Variants in DHODH observed in about 807,000 individuals in gnomAD.
DHODH encodes the protein dihydroorotate dehydrogenase (quinone), also known as dihydroorotate dehydrogenase (quinone), mitochondrial.
In DHODH, 30 loss-of-function variants were observed where a neutral mutation model predicts 39.7. The observed-to-expected ratio is 0.76, with a 90% CI of 0.57 to 1.02. DHODH has a LOEUF of 1.02. Among genes scored for constraint, DHODH ranks in the 50% least tolerant of loss-of-function variants. The pLI is 0.00. For synonymous variants in DHODH, 222 were observed against 213.8 expected (o/e 1.04, Z -0.34); for missense variants, 531 against 520.8 (o/e 1.02, Z -0.19).
intron 4 of DHODH, among the ~76,000 whole-genome samples, chr16:72,020,703 T>G (rs116591045): frequency 3.3e-5 from 5 of 152,122 alleles, no homozygotes; most frequent in African/African-American, 9.7e-5. Context: ...TCTTCGCAAC[T>G]GTACATCCAG....
At position 72,009,234 on chromosome 16, in the gene DHODH, T is replaced by C. The variant is rs918850265; in HGVS notation, c.21+449T>C. On this transcript the variant is annotated intron_variant, in intron 1 of 8. Coordinates refer to ENST00000219240, the MANE Select transcript of DHODH (RefSeq NM_001361.5). ...ATAGGTGTTCAGAGGCCGGGCGCGG[T>C]GGCTCACGCCTGTAATCCCAGCACT... is the stretch of plus-strand genomic sequence containing the variant. The C allele has an allele frequency of 1.6e-5, 12 of 733,188 alleles. No homozygotes were observed. In the Admixed American group the frequency reaches 5.0e-4, roughly 31 times the overall value. The allele number at this position is 733,188 out of a possible 1,614,324, so 45.4% of individuals were successfully genotyped here. A position where few individuals can be genotyped will look rare whatever the true frequency, so the allele number is the denominator to read the frequency against.
chr16:72,010,223 C>CT (rs1174364959), intron 1 of DHODH, among the ~76,000 whole-genome samples: 1 of 152,222 alleles, frequency 6.6e-6, no homozygotes, highest in Non-Finnish European at 1.5e-5. Context: ...CTGTTCCAAA[C>CT]TTTCTCCCTT....
chr16:72,021,091 G>A, intron 4 of DHODH, 33 bp from the exon 5 acceptor site: 3 of 1,573,410 alleles, frequency 1.9e-6, no homozygotes, highest in Non-Finnish European at 2.6e-6. Context: ...GAAAGGGTGT[G>A]CGGGGTGCAG....
chr16:72,018,723 C>T (rs142091242), intron 4 of DHODH, among the ~76,000 whole-genome samples: 3 of 152,288 alleles, frequency 2.0e-5, no homozygotes, highest in East Asian at 1.9e-4. Context: ...CCAAGGAACA[C>T]GCGTTGACAA....
At chr16:72,009,182 A>T (rs947439196) in intron 1 of DHODH, 3 of 1,078,428 alleles carry the variant, frequency 2.8e-6, no homozygotes, top group African/African-American at 3.3e-5. Context: ...TCTCTGTGAA[A>T]AGTTCTTAGC....
In DHODH at chr16:72,023,456, C is replaced by T. The variant is rs779923124; in HGVS notation, c.974-18C>T. On this transcript the variant is annotated intron_variant, in intron 7 of 8. Coordinates refer to ENST00000219240, the MANE Select transcript of DHODH (RefSeq NM_001361.5). ...AGCCACATCCTTCTTTATGGTGTCG[C>T]CATGTGCTTCTCTGTAGGCCGAGTT... The T allele has an allele frequency of 1.9e-6, 3 of 1,614,018 alleles. No individual in the cohort carries two copies. Among genetic ancestry groups the T allele is most frequent in the African/African-American group, 1.3e-5 (1 of 74,924 alleles).
At position 72,021,133 on chromosome 16, in the gene DHODH, C is replaced by T; in HGVS notation, c.527C>T (p.Pro176Leu). 1.2e-6 allele frequency: 2 copies of T among 1,606,712 alleles called. No individual in the cohort carries two copies. Among genetic ancestry groups the T allele is most frequent in the South Asian group, 1.1e-5 (1 of 89,770 alleles). Residue 176 changes from proline (P) to leucine (L), a missense_variant, in exon 5 of 9, where the codon CCT (proline) becomes CTT (leucine). Coordinates refer to ENST00000219240, the MANE Select transcript of DHODH (RefSeq NM_001361.5). Reference sequence around the variant, plus strand: ...CCAGCGATGTTTGCAGATGGACTGCCTCTGGGGGTCAACTTGGGGAAGAAC... The same window carrying T: ...CCAGCGATGTTTGCAGATGGACTGCTTCTGGGGGTCAACTTGGGGAAGAAC... The part of the protein sequence containing the change: ...KQAKLTEDGL[P>L]LGVNLGKNKT...
chr16:72,022,798 C>A (rs890827723), intron 6 of DHODH, among the ~76,000 whole-genome samples: 2 of 152,162 alleles, frequency 1.3e-5, no homozygotes, highest in African/African-American at 4.8e-5. Context: ...GTCTGGACAG[C>A]GGGTCTCTGT....
Position 72,021,175 on chromosome 16 carries a change from C to T in DHODH, c.569C>T (p.Ala190Val). ...GGGAAGAACAAGACCTCAGTGGACG[C>T]CGCGGAGGACTACGCAGAAGGGGTG... ...NLGKNKTSVD[A>V]AEDYAEGVRV... Residue 190 changes from alanine to valine, a missense_variant, in exon 5 of 9, where the codon GCC becomes GTC. Coordinates refer to ENST00000219240, the MANE Select transcript of DHODH (RefSeq NM_001361.5). 1 of 1,609,448 alleles carries T rather than the reference C, an allele frequency of 6.2e-7. No individual in the cohort carries two copies.
chr16:72,022,981 G>A (rs2041237638), intron 6 of DHODH, among the ~76,000 whole-genome samples, 184 bp from the exon 7 acceptor site: 2 of 152,180 alleles, frequency 1.3e-5, no homozygotes, highest in Non-Finnish European at 2.9e-5. Context: ...GGCTGCTGTC[G>A]TCATGTTATG....
chr16:72,023,134 C>T lies in DHODH; in HGVS notation c.820-31C>T, dbSNP rs776130911. The T allele has an allele frequency of 1.8e-5, 29 of 1,613,742 alleles. No individual in the cohort carries two copies. The South Asian group carries it at 3.0e-4, about 16-fold the overall frequency. ...GCCTCTGGGTCCTTCGGTGCTATGA[C>T]TCATGGCTTTTTCTCTATCTCGCAC... On this transcript the variant is annotated intron_variant, in intron 6 of 8. Coordinates refer to ENST00000219240, the MANE Select transcript of DHODH (RefSeq NM_001361.5).
At chr16:72,009,027 G>A in intron 1 of DHODH, 9 of 1,425,644 alleles carry the variant, frequency 6.3e-6, no homozygotes, top group Non-Finnish European at 8.3e-6. Context: ...GAGTGTCTGC[G>A]CCTGGGCCAT....
In DHODH at chr16:72,021,291, C is replaced by A. The variant is rs770187150; in HGVS notation, c.685C>A (p.Leu229Met). 2 of 1,608,380 alleles carry A rather than the reference C, an allele frequency of 1.2e-6. No individual in the cohort carries two copies. The highest frequency in any genetic ancestry group is 8.5e-7 in the Non-Finnish European group (1 of 1,178,508). The change falls in exon 5 of 9, where the codon CTG becomes ATG. Residue 229 changes from leucine (L) to methionine (M), a missense_variant. Physicochemically the swap from Leu to Met is conservative, Grantham distance 15 (BLOSUM62 2). Coordinates refer to ENST00000219240, the MANE Select transcript of DHODH (RefSeq NM_001361.5). ...GLRSLQGKAE[L>M]RRLLTKVLQE... ...GCGGAGCCTTCAGGGAAAGGCCGAG[C>A]TGCGCCGCCTGCTGACCAAGGTGGG...
chr16:72,020,431 C>T (rs2041199669), intron 4 of DHODH: 1 of 141,524 alleles, frequency 7.1e-6, no homozygotes, highest in Non-Finnish European at 1.5e-5. Flanking sequence ...GGCTGGAGTG[C>T]AGTGGCGCGA....
At chr16:72,013,458 C>T (rs2143973749) in intron 2 of DHODH, 1 of 152,354 alleles carries the variant, frequency 6.6e-6, no homozygotes, top group Non-Finnish European at 1.5e-5. Context: ...TTGTCCTCAA[C>T]ACCTCTGCGT....
intron 2 of DHODH, among the ~76,000 whole-genome samples, chr16:72,013,390 C>T (rs1250023604): frequency 6.6e-6 from 1 of 152,158 alleles, no homozygotes; most frequent in Non-Finnish European, 1.5e-5. Context: ...CCTGAGGGTG[C>T]AAGCTGTGTC....
chr16:72,008,997 G>T, intron 1 of DHODH: 1 of 1,467,034 alleles, frequency 6.8e-7, no homozygotes, highest in Non-Finnish European at 9.0e-7. Flanking sequence ...GCGCCTGCAG[G>T]TCTGGGTGGG....
chr16:72,009,007 G>C, intron 1 of DHODH: 1 of 1,448,896 alleles, frequency 6.9e-7, no homozygotes, highest in Non-Finnish European at 9.1e-7. Flanking sequence ...GTCTGGGTGG[G>C]TGCTGATCTG....
At chr16:72,020,553 T>C (rs1227616011) in intron 4 of DHODH, 2 of 153,934 alleles carry the variant, frequency 1.3e-5, no homozygotes, top group African/African-American at 2.4e-5. Flanking sequence ...GGTTTCACCA[T>C]GTTGCCCAGA....
Sources: allele counts gnomAD v4.1 joint callset (sites outside exome capture counted in the v4.1 genomes callset), GRCh38; gene constraint gnomAD v4.1.1; transcripts MANE v1.5; gene names NCBI Gene and HGNC (gene_info 2026-07-23, HGNC 2026-07-21).